FGF13: variants seen among roughly 807,000 people sequenced by gnomAD.
The protein encoded by FGF13 is fibroblast growth factor homologous factor 2.
In FGF13, 2 loss-of-function variants were observed where a neutral mutation model predicts 19.5. That is an observed-to-expected ratio of 0.10 (90% CI 0.04 to 0.32). FGF13 has a LOEUF of 0.32. Ranked by LOEUF, FGF13 falls within the 10% of genes least tolerant of loss-of-function variation. The pLI is 1.00. For missense variants in FGF13, 113 were observed against 192.7 expected (o/e 0.59, Z 2.45); for synonymous variants, 72 against 76.9 (o/e 0.94, Z 0.33).
At chrX:138,897,270 A>G (rs2091509226) in intron 1 of FGF13, among the ~76,000 whole-genome samples, 1 of 110,503 alleles carries the variant, frequency 9.0e-6, no homozygotes, top group African/African-American at 3.3e-5. Context: ...TTGGCCTACG[A>G]AAGTGCTGGG....
At chrX:138,889,837 C>A (rs2091467952) in intron 1 of FGF13, among the ~76,000 whole-genome samples, 1 of 111,282 alleles carries the variant, frequency 9.0e-6, no homozygotes, top group South Asian at 3.9e-4. Context: ...GCTTTCGGAG[C>A]TCAGAATGGA....
intron 1 of FGF13, among the ~76,000 whole-genome samples, chrX:138,955,223 A>G (rs1272746742): frequency 1.8e-5 from 2 of 113,132 alleles, no homozygotes; most frequent in Non-Finnish European, 3.7e-5. Context: ...CCTAGTGGGG[A>G]AAATTAGTCC....
intron 1 of FGF13, among the ~76,000 whole-genome samples, chrX:139,177,162 T>C (rs1313952425): frequency 3.6e-5 from 4 of 110,340 alleles, no homozygotes; most frequent in Non-Finnish European, 7.6e-5. Context: ...TACCATTATG[T>C]AATGCCCTTC....
At chrX:138,888,705 A>G (rs2091462937) in intron 1 of FGF13, among the ~76,000 whole-genome samples, 1 of 110,791 alleles carries the variant, frequency 9.0e-6, no homozygotes, top group Non-Finnish European at 1.9e-5. Context: ...AAAAGAAAAA[A>G]AAAAAAATTC....
intron 1 of FGF13, among the ~76,000 whole-genome samples, chrX:139,012,358 G>C (rs2092132625): frequency 9.0e-6 from 1 of 110,702 alleles, no homozygotes; most frequent in African/African-American, 3.3e-5. Context: ...CTAAAATTCA[G>C]ATGGGACCAA....
chrX:138,976,786 G>T (rs926505674), intron 1 of FGF13, among the ~76,000 whole-genome samples: 1 of 110,986 alleles, frequency 9.0e-6, no homozygotes, highest in African/African-American at 3.3e-5. Flanking sequence ...ATGATAGATG[G>T]AATGACATTT....
intron 1 of FGF13, among the ~76,000 whole-genome samples, chrX:138,980,674 GGTTTTTT>G (rs752207602): frequency 4.7e-4 from 16 of 33,849 alleles, no homozygotes; most frequent in Middle Eastern, 0.019. Context: ...CCAGAAGTGT[GGTTTTTT>G]TTTTTTTTTT....
At chrX:138,948,848 T>C (rs1569428389) in intron 1 of FGF13, among the ~76,000 whole-genome samples, 2 of 111,996 alleles carry the variant, frequency 1.8e-5, no homozygotes, top group African/African-American at 6.5e-5. Flanking sequence ...CTTACCTATC[T>C]ATGCTCCCTC....
chrX:138,807,708 G>T (rs990701038), intron 3 of FGF13, among the ~76,000 whole-genome samples: 3 of 111,280 alleles, frequency 2.7e-5, no homozygotes, highest in African/African-American at 9.8e-5. Flanking sequence ...CATCTCATGT[G>T]CAGAGACACA....
chrX:138,892,002 A>ATATATG (rs756839627), intron 1 of FGF13, among the ~76,000 whole-genome samples: 3 of 90,369 alleles, frequency 3.3e-5, no homozygotes, highest in African/African-American at 1.3e-4. Context: ...ATATATACAT[A>ATATATG]TGTGTGTGTG....
intron 1 of FGF13, among the ~76,000 whole-genome samples, chrX:138,718,499 G>A (rs1410527788): frequency 8.9e-6 from 1 of 111,934 alleles, no homozygotes; most frequent in Non-Finnish European, 1.9e-5. Flanking sequence ...TTTAGCATAT[G>A]GAGGCAAGAT....
rs892639179 is a variant in FGF13 at position 138,935,635 on chromosome X, T to C, written c.-112-70985A>G. 3.6e-5 allele frequency among the ~76,000 whole-genome samples: 4 copies of C among 111,941 alleles called. No individual in the cohort carries two copies. In the Admixed American group the frequency reaches 3.8e-4, roughly 11 times the overall value. Reference sequence around the variant, plus strand: ...GCTTTATTTCTTTTATATTTGGACTTTTAAAATTGACATACAGTAAACTTG... The same window carrying C: ...GCTTTATTTCTTTTATATTTGGACTCTTAAAATTGACATACAGTAAACTTG... On this transcript the variant is annotated intron_variant, in intron 1 of 2. Transcript: ENST00000421460.
downstream of FGF13, among the ~76,000 whole-genome samples, chrX:138,853,519 G>C (rs5931503): frequency 2.4e-3 from 272 of 111,052 alleles, 2 homozygotes; most frequent in South Asian, 0.013. Flanking sequence ...CTCCAGCACA[G>C]ATTCTCTTCT....
intron 1 of FGF13, among the ~76,000 whole-genome samples, chrX:138,901,878 T>A (rs766193711): frequency 1.2e-4 from 13 of 112,464 alleles, no homozygotes; most frequent in Non-Finnish European, 2.3e-4. Flanking sequence ...GCAAAGAAGT[T>A]GCTAGTGAAT....
chrX:138,959,053 C>A (rs2091856285), intron 1 of FGF13, among the ~76,000 whole-genome samples: 1 of 111,428 alleles, frequency 9.0e-6, no homozygotes, highest in African/African-American at 3.3e-5. Context: ...TAATTTCTTG[C>A]CTTCTGCTAG....
chrX:139,094,987 G>A (rs766221884), intron 1 of FGF13, among the ~76,000 whole-genome samples: 1 of 112,651 alleles, frequency 8.9e-6, no homozygotes, highest in Admixed American at 9.3e-5. Context: ...AAACAGCAAA[G>A]TACAAATTGC....
At chrX:139,131,382 G>GGTGTGTGT (rs10541863) in intron 1 of FGF13, among the ~76,000 whole-genome samples, 2 of 91,441 alleles carry the variant, frequency 2.2e-5, no homozygotes, top group Admixed American at 1.3e-4. Flanking sequence ...AATATAGAGG[G>GGTGTGTGT]GTGTGTGTGT....
At chrX:139,022,829 T>C (rs1445117415) in intron 1 of FGF13, among the ~76,000 whole-genome samples, 6 of 111,393 alleles carry the variant, frequency 5.4e-5, no homozygotes, top group African/African-American at 2.0e-4. Flanking sequence ...TCCTTTGAAA[T>C]GAATAGCACA....
chrX:138,774,233 A>G (rs1437181153), intron 3 of FGF13, among the ~76,000 whole-genome samples: 1 of 112,368 alleles, frequency 8.9e-6, no homozygotes, highest in East Asian at 2.8e-4. Context: ...AACTCAGCTT[A>G]CAAAACACAA....
Sources: allele counts gnomAD v4.1 joint callset (sites outside exome capture counted in the v4.1 genomes callset), GRCh38; gene constraint gnomAD v4.1.1; transcripts MANE v1.5; gene names NCBI Gene and HGNC (gene_info 2026-07-23, HGNC 2026-07-21).